MEOX2: variants seen among roughly 807,000 people sequenced by gnomAD.
MEOX2 encodes the protein mesenchyme homeobox 2.
In MEOX2, 11 loss-of-function variants were observed where a neutral mutation model predicts 27.0. The observed-to-expected ratio is 0.41, with a 90% CI of 0.26 to 0.68. The LOEUF is 0.68. Ranked by LOEUF, MEOX2 falls within the 30% of genes least tolerant of loss-of-function variation. The probability of loss-of-function intolerance (pLI) is 0.33; values close to 1 mark genes in which losing one functional copy is unlikely to be tolerated. For synonymous variants in MEOX2, 189 were observed against 155.4 expected (o/e 1.22, Z -1.61); for missense variants, 436 against 385.4 (o/e 1.13, Z -1.10).
At chr7:15,623,529 C>G (rs141261774) in intron 2 of MEOX2, among the ~76,000 whole-genome samples, 331 of 152,224 alleles carry the variant, frequency 2.2e-3, no homozygotes, top group African/African-American at 7.0e-3. Flanking sequence ...GCCACCACGC[C>G]TGGCTCATTT....
At chr7:15,664,239 T>C (rs896629465) in intron 1 of MEOX2, among the ~76,000 whole-genome samples, 1 of 152,230 alleles carries the variant, frequency 6.6e-6, no homozygotes, top group Non-Finnish European at 1.5e-5. Flanking sequence ...TTTTGGGATA[T>C]GCTTTTGGTC....
chr7:15,637,842 AT>A (rs1163181875), intron 1 of MEOX2, among the ~76,000 whole-genome samples: 2 of 152,048 alleles, frequency 1.3e-5, no homozygotes, highest in African/African-American at 4.8e-5. Flanking sequence ...CCATCTAAGA[AT>A]CCACAGGATT....
chr7:15,641,733 T>A (rs997087265), intron 1 of MEOX2, among the ~76,000 whole-genome samples: 2 of 152,200 alleles, frequency 1.3e-5, no homozygotes, highest in Non-Finnish European at 2.9e-5. Flanking sequence ...TTTCATTTGC[T>A]TTTGTCCTAG....
At chr7:15,613,443 A>G (rs1214379413) in intron 2 of MEOX2, among the ~76,000 whole-genome samples, 1 of 151,648 alleles carries the variant, frequency 6.6e-6, no homozygotes, top group African/African-American at 2.4e-5. Context: ...TATCAGAACT[A>G]GAATATAATT....
At chr7:15,680,557 AACTTT>A (rs1263223040) in intron 1 of MEOX2, 7 of 152,022 alleles carry the variant, frequency 4.6e-5, no homozygotes, top group South Asian at 2.1e-4. Context: ...TTTTGCAACT[AACTTT>A]ACTTTACACC....
At chr7:15,627,861 A>ATT (rs1781341066) in intron 1 of MEOX2, among the ~76,000 whole-genome samples, 1 of 146,592 alleles carries the variant, frequency 6.8e-6, no homozygotes, top group South Asian at 2.1e-4. Flanking sequence ...AGCTCTAATA[A>ATT]CTTAGGGCAA....
chr7:15,639,578 C>G (rs1781530072), intron 1 of MEOX2, among the ~76,000 whole-genome samples: 1 of 151,618 alleles, frequency 6.6e-6, no homozygotes, highest in African/African-American at 2.4e-5. Context: ...AGATTTTCCT[C>G]TTTTTTTTAT....
intron 1 of MEOX2, among the ~76,000 whole-genome samples, chr7:15,631,153 G>A (rs745860633): frequency 2.0e-5 from 3 of 151,280 alleles, no homozygotes; most frequent in Non-Finnish European, 4.4e-5. Context: ...CTCTTACAAA[G>A]CAAACCCAAA....
intron 1 of MEOX2, chr7:15,680,665 G>A (rs1782278685): frequency 6.6e-6 from 1 of 151,808 alleles, no homozygotes; most frequent in South Asian, 2.1e-4. Context: ...AAATGTTAGT[G>A]CCTCATTATA....
At chr7:15,613,605 C>G (rs1562592811) in intron 2 of MEOX2, among the ~76,000 whole-genome samples, 1 of 151,992 alleles carries the variant, frequency 6.6e-6, no homozygotes, top group African/African-American at 2.4e-5. Flanking sequence ...TTGTGTGTCA[C>G]CTCCAAGTCT....
At chr7:15,663,771 A>C (rs1340503314) in intron 1 of MEOX2, among the ~76,000 whole-genome samples, 1 of 152,162 alleles carries the variant, frequency 6.6e-6, no homozygotes, top group African/African-American at 2.4e-5. Context: ...ATTTAAAGAG[A>C]GAGATGGGCA....
chr7:15,684,628 T>A (rs1488747119), intron 1 of MEOX2, among the ~76,000 whole-genome samples: 2 of 152,198 alleles, frequency 1.3e-5, no homozygotes, highest in African/African-American at 4.8e-5. Flanking sequence ...TTCATTTATG[T>A]GGCATCTTAC....
At chr7:15,663,597 C>T (rs972770337) in intron 1 of MEOX2, among the ~76,000 whole-genome samples, 3 of 152,098 alleles carry the variant, frequency 2.0e-5, no homozygotes, top group Non-Finnish European at 4.4e-5. Flanking sequence ...CCTTGGACTC[C>T]CAAAGTGCTG....
At chr7:15,684,536 A>G (rs1782347117) in intron 1 of MEOX2, among the ~76,000 whole-genome samples, 1 of 152,200 alleles carries the variant, frequency 6.6e-6, no homozygotes, top group East Asian at 1.9e-4. Context: ...CCGTGAGAGA[A>G]GAATCCATCC....
At chr7:15,650,706 T>TGG (rs149928037) in intron 1 of MEOX2, among the ~76,000 whole-genome samples, 6 of 151,922 alleles carry the variant, frequency 3.9e-5, no homozygotes, top group African/African-American at 1.5e-4. Flanking sequence ...TGAGTTTTTT[T>TGG]GGGGGGGAGA....
At chr7:15,630,363 T>A (rs905919456) in intron 1 of MEOX2, among the ~76,000 whole-genome samples, 1 of 152,100 alleles carries the variant, frequency 6.6e-6, no homozygotes, top group Non-Finnish European at 1.5e-5. Context: ...TGCCAAAAGA[T>A]AATAATGTTT....
At chr7:15,650,861 C>T (rs893612208) in intron 1 of MEOX2, among the ~76,000 whole-genome samples, 1 of 152,006 alleles carries the variant, frequency 6.6e-6, no homozygotes, top group African/African-American at 2.4e-5. Flanking sequence ...ACTCGATCTG[C>T]CTGCCTTTTA....
chr7:15,651,554 A>C (rs1781732599), intron 1 of MEOX2, among the ~76,000 whole-genome samples: 1 of 151,984 alleles, frequency 6.6e-6, no homozygotes, highest in Non-Finnish European at 1.5e-5. Flanking sequence ...AAGCACCTAC[A>C]TTTATTTACA....
At chr7:15,614,787 GT>G (rs1781096835) in intron 2 of MEOX2, among the ~76,000 whole-genome samples, 1 of 152,004 alleles carries the variant, frequency 6.6e-6, no homozygotes. Flanking sequence ...TCTATTTTCA[GT>G]TTAGAAATAA....
Sources: allele counts gnomAD v4.1 joint callset (sites outside exome capture counted in the v4.1 genomes callset), GRCh38; gene constraint gnomAD v4.1.1; transcripts MANE v1.5; gene names NCBI Gene and HGNC (gene_info 2026-07-23, HGNC 2026-07-21).